TNS1: variants seen among roughly 807,000 people sequenced by gnomAD.
TNS1 encodes the protein tensin-1.
In TNS1, 62 loss-of-function variants were observed where a neutral mutation model predicts 168.6. The ratio of observed to expected loss-of-function variants is 0.37; its 90% confidence interval spans 0.30 to 0.45. The LOEUF is 0.45. Among genes scored for constraint, TNS1 ranks in the 20% least tolerant of loss-of-function variants. The pLI is 1.00. For missense variants in TNS1, 2,240 were observed against 2,339.4 expected (o/e 0.96, Z 0.88); for synonymous variants, 934 against 933.2 (o/e 1.00, Z -0.02).
intron 3 of TNS1, among the ~76,000 whole-genome samples, chr2:217,932,867 G>A (rs753822827): frequency 2.0e-5 from 3 of 152,178 alleles, no homozygotes; most frequent in Non-Finnish European, 2.9e-5. Flanking sequence ...AGATGGCAGC[G>A]ACAGGAGGCA....
chr2:217,930,500 G>A (rs1030091470), intron 3 of TNS1, among the ~76,000 whole-genome samples: 1 of 152,220 alleles, frequency 6.6e-6, no homozygotes, highest in Non-Finnish European at 1.5e-5. Context: ...CACTGCACAT[G>A]ACCTGGAGGG....
Position 217,897,315 on chromosome 2 carries a change from A to G in TNS1, c.543+483T>C, listed in dbSNP as rs188667427. 7.0e-4 allele frequency among the ~76,000 whole-genome samples: 107 copies of G among 152,248 alleles called. 1 individual carries two copies. In the East Asian group the frequency reaches 0.018, roughly 26 times the overall value. ...AGCAACCCAGGGTCCCTTAAGACAC[A>G]TGTTGCCAAGACTCTGCCCTCAGAC... is the stretch of plus-strand genomic sequence containing the variant. On this transcript the variant is annotated intron_variant, in intron 8 of 32. Transcript: ENST00000682258.
At chr2:217,885,291 C>T in intron 15 of TNS1, 127 bp from the exon 16 acceptor site, 2 of 1,300,196 alleles carry the variant, frequency 1.5e-6, no homozygotes, top group Non-Finnish European at 2.1e-6. Flanking sequence ...AGGGAGAGCT[C>T]ATCAACACCA....
At chr2:217,841,275 G>A in intron 19 of TNS1, 4 of 985,074 alleles carry the variant, frequency 4.1e-6, no homozygotes, top group Non-Finnish European at 4.8e-6. Context: ...CCTGCAGCCT[G>A]GCGTTGTACG....
At chr2:217,865,064 C>A (rs1949145188) in intron 18 of TNS1, among the ~76,000 whole-genome samples, 1 of 151,928 alleles carries the variant, frequency 6.6e-6, no homozygotes, top group Non-Finnish European at 1.5e-5. Context: ...CTAGAGGGAT[C>A]CATGTGGTTC....
chr2:217,930,998 G>A (rs1956291356), intron 3 of TNS1, among the ~76,000 whole-genome samples: 2 of 152,124 alleles, frequency 1.3e-5, no homozygotes, highest in African/African-American at 4.8e-5. Flanking sequence ...TGTGAAAGGA[G>A]GTGACAGGCG....
chr2:217,933,882 C>T (rs1559372372), intron 3 of TNS1, among the ~76,000 whole-genome samples: 1 of 152,144 alleles, frequency 6.6e-6, no homozygotes. Flanking sequence ...GCAGCCTGAA[C>T]ATTATGGGGT....
chr2:217,914,251 A>C (rs1954752144), intron 4 of TNS1, among the ~76,000 whole-genome samples: 2 of 152,024 alleles, frequency 1.3e-5, no homozygotes, highest in Non-Finnish European at 2.9e-5. Context: ...TCCCTCTCCC[A>C]CTGAACAGAG....
At chr2:217,886,708 T>G in intron 12 of TNS1, 62 bp from the exon 13 acceptor site, 1 of 1,281,642 alleles carries the variant, frequency 7.8e-7, no homozygotes, top group Non-Finnish European at 1.1e-6. Flanking sequence ...TAATCCCTGT[T>G]CTCTCTTTTC....
intron 21 of TNS1, among the ~76,000 whole-genome samples, chr2:217,832,032 T>C (rs1336252835): frequency 6.6e-6 from 1 of 151,112 alleles, no homozygotes; most frequent in Admixed American, 6.6e-5. Flanking sequence ...CAGAAGAAAA[T>C]TGGGCCTCAG....
intron 1 of TNS1, among the ~76,000 whole-genome samples, chr2:218,021,505 C>T (rs992289816): frequency 3.3e-5 from 5 of 152,236 alleles, no homozygotes; most frequent in Admixed American, 2.6e-4. Context: ...AACGCAACTG[C>T]TGCCTGGCAT....
At chr2:218,012,690 G>A (rs188555438), upstream of TNS1, among the ~76,000 whole-genome samples, 290 of 152,112 alleles carry the variant, frequency 1.9e-3, 3 homozygotes, top group Admixed American at 6.6e-3. Context: ...AATACCTGAA[G>A]GTCAATGCCA....
At chr2:217,928,363 C>A (rs374767665) in intron 3 of TNS1, among the ~76,000 whole-genome samples, 2 of 152,272 alleles carry the variant, frequency 1.3e-5, no homozygotes, top group Non-Finnish European at 2.9e-5. Flanking sequence ...GTGCCCTCCC[C>A]ACCAGGCAGC....
chr2:217,948,320 C>A lies in TNS1; in HGVS notation c.187-28084G>T, dbSNP rs923783915. On this transcript the variant is annotated intron_variant, in intron 3 of 32. Coordinates refer to ENST00000682258, the MANE Select transcript of TNS1 (RefSeq NM_001387777.1). This position sits in a 1 kb window ranked among gnomAD's most constrained non-coding sequence, Gnocchi z 4.1. ...CACCCTGGGCCCTCACTCTCTTCTT[C>A]CCCCTCCATCACAGAGAAGGAAGGG... Among the ~76,000 whole-genome samples, 3 of 152,166 alleles carry A rather than the reference C, an allele frequency of 2.0e-5. No individual in the cohort carries two copies. The highest frequency in any genetic ancestry group is 2.9e-5 in the Non-Finnish European group (2 of 68,018).
chr2:218,023,935 CAG>C (rs78545012), intron 1 of TNS1, among the ~76,000 whole-genome samples: 11,801 of 152,200 alleles, frequency 0.078, 626 homozygotes, highest in East Asian at 0.25. Context: ...CAGCAGACTT[CAG>C]AGAGTGACAA....
At chr2:217,895,103 G>A in intron 8 of TNS1, 47 bp from the exon 9 acceptor site, 1 of 1,560,630 alleles carries the variant, frequency 6.4e-7, no homozygotes. Context: ...AGGGTGAGGA[G>A]GGCGGCGAGG....
At chr2:217,826,448 G>C (rs1032259772) in intron 22 of TNS1, among the ~76,000 whole-genome samples, 3 of 152,066 alleles carry the variant, frequency 2.0e-5, no homozygotes, top group African/African-American at 7.2e-5. Flanking sequence ...ACTTACTAGA[G>C]ACTTTCTGGG....
chr2:217,959,268 T>C (rs1394332770), intron 3 of TNS1, among the ~76,000 whole-genome samples: 2 of 152,250 alleles, frequency 1.3e-5, no homozygotes, highest in Non-Finnish European at 2.9e-5. Flanking sequence ...GAAGAATTTA[T>C]TGACACAACT....
At chr2:218,007,260 A>C (rs1958666535), upstream of TNS1, among the ~76,000 whole-genome samples, 1 of 152,124 alleles carries the variant, frequency 6.6e-6, no homozygotes, top group South Asian at 2.1e-4. Context: ...CCCCTTCCCC[A>C]GGAAAGATTA....
Sources: gnomAD v4.1 joint callset for allele counts (sites outside exome capture counted in the v4.1 genomes callset) on GRCh38, gnomAD v4.1.1 for gene constraint, Gnocchi (gnomAD v3.1) non-coding constraint, MANE v1.5 for transcripts, NCBI Gene and HGNC (gene_info 2026-07-23, HGNC 2026-07-21) for gene names.